Variants in AGBL4 observed in about 807,000 individuals in gnomAD.
AGBL4 encodes cytosolic carboxypeptidase 6.
A neutral mutation model predicts 66.4 loss-of-function variants in AGBL4; 58 were observed. That is an observed-to-expected ratio of 0.87 (90% confidence interval 0.71 to 1.09). AGBL4 has a LOEUF of 1.09. AGBL4 is among the 50% of genes least tolerant of loss of function. AGBL4 has a pLI of 0.00. For missense variants in AGBL4, 579 were observed against 631.0 expected (o/e 0.92, Z 0.88); for synonymous variants, 234 against 222.9 (o/e 1.05, Z -0.44).
chr1:49,391,666 A>G (rs980223880), intron 3 of AGBL4, among the ~76,000 whole-genome samples: 1 of 146,858 alleles, frequency 6.8e-6, no homozygotes, highest in Non-Finnish European at 1.5e-5. Flanking sequence ...GGTTCACACC[A>G]TTCTCCTGCC....
intron 2 of AGBL4, among the ~76,000 whole-genome samples, chr1:49,812,950 A>T (rs1312448487): frequency 1.3e-5 from 2 of 152,168 alleles, no homozygotes; most frequent in African/African-American, 2.4e-5. Context: ...CCCAGATGAA[A>T]GATATGGGAA....
intron 1 of AGBL4, among the ~76,000 whole-genome samples, chr1:49,895,319 C>CA (rs1649085504): frequency 6.6e-6 from 1 of 151,388 alleles, no homozygotes; most frequent in African/African-American, 2.4e-5. Context: ...TCAGAAGGCA[C>CA]AAAAATCACA....
At chr1:49,006,631 G>C (rs1393022090) in intron 5 of AGBL4, among the ~76,000 whole-genome samples, 1 of 149,614 alleles carries the variant, frequency 6.7e-6, no homozygotes, top group African/African-American at 2.5e-5. Context: ...GTCCCTGTCT[G>C]ACAGCTTTGA....
chr1:50,022,443 G>A (rs1662513309), intron 1 of AGBL4, among the ~76,000 whole-genome samples: 1 of 152,164 alleles, frequency 6.6e-6, no homozygotes, highest in African/African-American at 2.4e-5. Flanking sequence ...TTCAAGTTAT[G>A]AGGGAGCTAA....
intron 4 of AGBL4, among the ~76,000 whole-genome samples, chr1:49,070,535 T>C (rs1320193746): frequency 6.6e-6 from 1 of 151,932 alleles, no homozygotes; most frequent in African/African-American, 2.4e-5. Context: ...GGATTATGTT[T>C]ATTGATTTGC....
At chr1:49,751,932 A>G (rs1651501684) in intron 2 of AGBL4, among the ~76,000 whole-genome samples, 1 of 147,420 alleles carries the variant, frequency 6.8e-6, no homozygotes, top group Non-Finnish European at 1.5e-5. Context: ...TATCCCCTTT[A>G]TCACTTTTTG....
downstream of AGBL4, among the ~76,000 whole-genome samples, chr1:48,530,177 C>T (rs1643897940): frequency 6.6e-6 from 1 of 152,176 alleles, no homozygotes; most frequent in African/African-American, 2.4e-5. Context: ...TCCAGGTTCT[C>T]ACTAGCCACA....
intron 3 of AGBL4, among the ~76,000 whole-genome samples, chr1:49,609,896 C>T (rs190717029): frequency 6.6e-6 from 1 of 152,114 alleles, no homozygotes; most frequent in Admixed American, 6.5e-5. Flanking sequence ...AAACATAATG[C>T]TAAAGTTTTT....
rs188329531 is a variant in AGBL4, at chr1:49,623,803, A to G, written c.282+73510T>C. Among the ~76,000 whole-genome samples, 6 of 152,318 alleles carry G rather than the reference A, an allele frequency of 3.9e-5. No individual in the cohort carries two copies. The East Asian group carries it at 1.2e-3, about 29-fold the overall frequency. ...TAGGACTACCACTTTTAAACACCAT[A>G]TCCCTTGTGCAGGGCCTAAAGTACA... On this transcript the variant is annotated intron_variant, in intron 3 of 13. Transcript: ENST00000371839.
At chr1:48,585,636 T>C (rs1278143406) in intron 11 of AGBL4, 1 of 152,238 alleles carries the variant, frequency 6.6e-6, no homozygotes, top group African/African-American at 2.4e-5. Context: ...ACCCTCAGTC[T>C]TGATGACTGT....
chr1:48,772,270 AGTCTCTCTT>A (rs1644873715), intron 6 of AGBL4, among the ~76,000 whole-genome samples: 1 of 152,234 alleles, frequency 6.6e-6, no homozygotes, highest in Non-Finnish European at 1.5e-5. Flanking sequence ...GGAGGGAGAG[AGTCTCTCTT>A]GGGCGCAGAG....
intron 1 of AGBL4, among the ~76,000 whole-genome samples, chr1:50,002,359 C>CTTTTTTTTTTT (rs372960346): frequency 3.1e-5 from 3 of 96,032 alleles, no homozygotes; most frequent in East Asian, 2.5e-4. Context: ...TGCCCTAGTT[C>CTTTTTTTTTTT]TTTTTTTTTT....
intron 3 of AGBL4, among the ~76,000 whole-genome samples, chr1:49,645,751 C>G (rs1320289179): frequency 6.7e-6 from 1 of 148,618 alleles, no homozygotes; most frequent in African/African-American, 2.5e-5. Flanking sequence ...CCCAATACCC[C>G]TCAGGAACAT....
At chr1:49,878,296 T>C (rs1379368319) in intron 1 of AGBL4, among the ~76,000 whole-genome samples, 2 of 150,276 alleles carry the variant, frequency 1.3e-5, no homozygotes, top group East Asian at 1.9e-4. Context: ...TGTGGGCATT[T>C]AGTGCTATAA....
At chr1:49,188,604 A>G (rs1286462003) in intron 4 of AGBL4, among the ~76,000 whole-genome samples, 1 of 152,136 alleles carries the variant, frequency 6.6e-6, no homozygotes, top group Non-Finnish European at 1.5e-5. Flanking sequence ...GAACAAATAA[A>G]CAAATGAATA....
intron 1 of AGBL4, among the ~76,000 whole-genome samples, chr1:50,008,655 AG>A (rs894012814): frequency 1.3e-5 from 2 of 151,872 alleles, no homozygotes; most frequent in African/African-American, 4.8e-5. Context: ...ATAATAATAA[AG>A]ATTAAAGAAG....
chr1:49,343,137 T>G (rs1645573801), intron 3 of AGBL4, among the ~76,000 whole-genome samples: 1 of 152,120 alleles, frequency 6.6e-6, no homozygotes, highest in African/African-American at 2.4e-5. Flanking sequence ...GCCTGAATTA[T>G]TTCCCCCGTC....
chr1:49,116,671 C>A (rs1324610223), intron 4 of AGBL4, among the ~76,000 whole-genome samples: 5 of 152,162 alleles, frequency 3.3e-5, no homozygotes, highest in Admixed American at 1.3e-4. Context: ...AATAGTGCCA[C>A]AATAAACATA....
chr1:49,592,820 G>T (rs1306668360), intron 3 of AGBL4, among the ~76,000 whole-genome samples: 1 of 152,160 alleles, frequency 6.6e-6, no homozygotes, highest in Non-Finnish European at 1.5e-5. Context: ...ACTGCAGAAA[G>T]CAGTTTGAAG....
Sources: allele counts gnomAD v4.1 joint callset (sites outside exome capture counted in the v4.1 genomes callset), GRCh38; gene constraint gnomAD v4.1.1; transcripts MANE v1.5; gene names NCBI Gene and HGNC (gene_info 2026-07-23, HGNC 2026-07-21).